GOLGA4: variants seen among roughly 807,000 people sequenced by gnomAD.
The protein encoded by GOLGA4 is golgin subfamily A member 4.
Under a neutral mutation model 265.9 loss-of-function variants are expected in GOLGA4, and 169 were observed. The observed-to-expected ratio is 0.64, with a 90% confidence interval of 0.56 to 0.72. The LOEUF is 0.72. GOLGA4 is among the 30% of genes least tolerant of loss of function. The pLI is 0.00. For synonymous variants in GOLGA4, 923 were observed against 855.8 expected, an observed-to-expected ratio of 1.08 and a Z score of -1.37; for missense variants, 2,482 against 2,483.4, an observed-to-expected ratio of 1.00 and a Z score of 0.01.
At chr3:37,285,269 G>A (rs1006372575) in intron 3 of GOLGA4, among the ~76,000 whole-genome samples, 1 of 151,324 alleles carries the variant, frequency 6.6e-6, no homozygotes, top group African/African-American at 2.4e-5. Context: ...TCAAAATGTT[G>A]GGATTACAGG....
intron 2 of GOLGA4, among the ~76,000 whole-genome samples, chr3:37,263,079 A>G (rs1179224300): frequency 6.6e-6 from 1 of 152,198 alleles, no homozygotes; most frequent in East Asian, 1.9e-4. Context: ...TGAGTGCCCT[A>G]TAGAGTTGTG....
intron 2 of GOLGA4, among the ~76,000 whole-genome samples, chr3:37,272,353 A>T (rs1341180681): frequency 1.3e-5 from 2 of 152,130 alleles, no homozygotes; most frequent in African/African-American, 4.8e-5. Context: ...CCTGGGCAAC[A>T]TGGGGAAACC....
intron 5 of GOLGA4, among the ~76,000 whole-genome samples, chr3:37,290,044 A>G (rs1258110634): frequency 2.6e-5 from 4 of 152,216 alleles, no homozygotes; most frequent in Admixed American, 6.5e-5. Context: ...TGAAATAGGT[A>G]GCTTTAGGAC....
In GOLGA4 at chr3:37,362,780, CT is replaced by C. The variant is rs71094906; in HGVS notation, c.*33+1495del. ...CGATCTTCCTACCTCAGCCTCTAAG[CT>C]TTTTTTTTTTTTTTTTTTTGAGACG... On this transcript the variant is annotated intron_variant, in intron 23 of 23. Coordinates refer to ENST00000361924, the MANE Select transcript of GOLGA4 (RefSeq NM_002078.5). 6.4e-3 allele frequency among the ~76,000 whole-genome samples: 482 copies of C among 75,428 alleles called. 4 individuals are homozygous for C. The highest frequency in any genetic ancestry group is 0.016 in the East Asian group (60 of 3,740). The allele number at this position is 75,428 out of a possible 152,430, so 49.5% of individuals were successfully genotyped here. A position where few individuals can be genotyped will look rare whatever the true frequency, so the allele number is the denominator to read the frequency against.
At chr3:37,339,535 T>C (rs2097025942) in intron 19 of GOLGA4, among the ~76,000 whole-genome samples, 1 of 152,260 alleles carries the variant, frequency 6.6e-6, no homozygotes. Context: ...AGAGTTCCAG[T>C]GTCTCCATAT....
At position 37,282,281 on chromosome 3, in the gene GOLGA4, A is replaced by T. The variant is rs763559580; in HGVS notation, c.477+9A>T. ...GGGGAAAATATTCTGAGGTAGGAGC[A>T]TGACCTTTTTGCCTGTACAAAAATT... On this transcript the variant is annotated intron_variant, in intron 3 of 23. Coordinates refer to ENST00000361924, the MANE Select transcript of GOLGA4 (RefSeq NM_002078.5). The T allele has an allele frequency of 3.1e-6, 5 of 1,608,494 alleles. No homozygotes were observed. The highest frequency in any genetic ancestry group is 3.4e-6 in the Non-Finnish European group (4 of 1,176,008).
intron 21 of GOLGA4, among the ~76,000 whole-genome samples, chr3:37,350,921 G>T (rs769970301): frequency 6.6e-6 from 1 of 152,112 alleles, no homozygotes; most frequent in African/African-American, 2.4e-5. Flanking sequence ...TTACCTCTAT[G>T]TTGATGGCTC....
At chr3:37,265,198 C>A (rs924679150) in intron 2 of GOLGA4, among the ~76,000 whole-genome samples, 17 of 150,704 alleles carry the variant, frequency 1.1e-4, no homozygotes, top group African/African-American at 2.7e-4. Flanking sequence ...CCTCCCTCAT[C>A]AAAAAATTCA....
rs35252934 is a variant in GOLGA4, at chr3:37,265,117, T to TTGTGTGTG, written c.162+13657_162+13664dup. ...ATTTTACCAGTTTTACATGCTCATA[T>TTGTGTGTG]TGTGTGTGTGTGTGTGTGTGTGTGT... is the stretch of plus-strand genomic sequence containing the variant. On this transcript the variant is annotated intron_variant, in intron 2 of 23. Transcript: ENST00000361924. Among the ~76,000 whole-genome samples the TTGTGTGTG allele has an allele frequency of 7.1e-3, 1,045 of 147,644 alleles. 11 individuals carry two copies. Among genetic ancestry groups the TTGTGTGTG allele is most frequent in the African/African-American group, 0.019 (757 of 40,172 alleles).
chr3:37,250,086 A>C (rs2096729830), intron 1 of GOLGA4: 1 of 152,234 alleles, frequency 6.6e-6, no homozygotes, highest in South Asian at 2.1e-4. Flanking sequence ...CTGAGTTCTA[A>C]CTTACGGACT....
At chr3:37,282,294 C>G in intron 3 of GOLGA4, 22 bp downstream of exon 3, 2 of 1,587,452 alleles carry the variant, frequency 1.3e-6, no homozygotes, top group South Asian at 2.2e-5. Context: ...ACCTTTTTGC[C>G]TGTACAAAAA....
intron 17 of GOLGA4, 99 bp from the exon 18 acceptor site, chr3:37,337,044 C>G (rs1046318383): frequency 5.1e-6 from 4 of 784,594 alleles, no homozygotes; most frequent in South Asian, 3.2e-5. Context: ...GACTCTTAAC[C>G]CTGACTTCCT....
At chr3:37,292,272 C>A (rs1462626671) in intron 5 of GOLGA4, among the ~76,000 whole-genome samples, 1 of 152,104 alleles carries the variant, frequency 6.6e-6, no homozygotes, top group Non-Finnish European at 1.5e-5. Context: ...AGTTTACCTT[C>A]CAGTTCCTTC....
intron 1 of GOLGA4, among the ~76,000 whole-genome samples, chr3:37,245,716 T>A (rs982842991): frequency 1.3e-5 from 2 of 152,132 alleles, no homozygotes; most frequent in Non-Finnish European, 2.9e-5. Context: ...AATCACTTTG[T>A]GTACGAAAGG....
chr3:37,272,056 C>T (rs1018113321), intron 2 of GOLGA4, among the ~76,000 whole-genome samples: 3 of 152,164 alleles, frequency 2.0e-5, no homozygotes, highest in African/African-American at 7.2e-5. Context: ...AAAACAAGCT[C>T]AGGGCTCCCA....
Position 37,327,219 on chromosome 3 carries a change from T to A in GOLGA4, c.5333T>A (p.Ile1778Lys), listed in dbSNP as rs144205536. The change falls in exon 14 of 24, where the codon ATA (isoleucine) becomes AAA (lysine). Residue 1778 changes from isoleucine to lysine, a missense_variant. Ile to Lys is a moderately radical substitution (Grantham distance 102, BLOSUM62 -3). Transcript: ENST00000361924. ...CGATGCCAATACCAGGAGCGCTTAA[T>A]AAAGCTAGAACATGCTGAGGCAAAG... ...EMRCQYQERL[I>K]KLEHAEAKQH... 6.0e-4 allele frequency: 974 copies of A among 1,613,860 alleles called. 2 individuals are homozygous for A. The highest frequency in any genetic ancestry group is 4.1e-4 in the Non-Finnish European group (488 of 1,179,856).
At chr3:37,335,561 G>A (rs764603409) in intron 17 of GOLGA4, among the ~76,000 whole-genome samples, 2 of 152,098 alleles carry the variant, frequency 1.3e-5, no homozygotes, top group Admixed American at 1.3e-4. Context: ...AAAAATTCAC[G>A]TTAATTTTAT....
Position 37,321,870 on chromosome 3 carries a change from C to G in GOLGA4, c.1685C>G (p.Ala562Gly), listed in dbSNP as rs778644762. The G allele has an allele frequency of 6.2e-6, 10 of 1,600,730 alleles. No individual in the cohort carries two copies. Among genetic ancestry groups the G allele is most frequent in the Non-Finnish European group, 8.5e-6 (10 of 1,176,292 alleles). The part of the protein sequence containing the change: ...ENKLRDLQQE[A>G]ETYRTRILEL... ...AAACTTCGGGACCTTCAGCAAGAAG[C>G]AGAGACTTACAGAACTGTAAGTTTT... The change falls in exon 13 of 24, where the codon GCA becomes GGA. Residue 562 changes from alanine to glycine, a missense_variant. By Grantham distance (60) the Ala-to-Gly change is moderately conservative (BLOSUM62 0). Around this residue, in one of 3 missense-constraint regions of GOLGA4, gnomAD observed 1,536 missense variants for 1,483.7 expected, o/e 1.04. Coordinates refer to ENST00000361924, the MANE Select transcript of GOLGA4 (RefSeq NM_002078.5).
At position 37,308,477 on chromosome 3, in the gene GOLGA4, A is replaced by T. The variant is rs576931111; in HGVS notation, c.1234+6145A>T. On this transcript the variant is annotated intron_variant, in intron 10 of 23. Transcript: ENST00000361924. The stretch of plus-strand genomic sequence containing the variant: ...GTAGTATTTTATTTTCATTTATGTA[A>T]GCTCTAGACTAGTAGCTTTCAGACT... 2.6e-5 allele frequency among the ~76,000 whole-genome samples: 4 copies of T among 151,932 alleles called. No individual in the cohort carries two copies. In the South Asian group the frequency reaches 8.3e-4, roughly 32 times the overall value.
Sources: allele counts gnomAD v4.1 joint callset (sites outside exome capture counted in the v4.1 genomes callset), GRCh38; gene constraint gnomAD v4.1.1; regional missense constraint gnomAD v4.1.1; transcripts MANE v1.5; gene names NCBI Gene and HGNC (gene_info 2026-07-23, HGNC 2026-07-21).